NCAM1: variants seen among roughly 807,000 people sequenced by gnomAD.
NCAM1 encodes the protein antigen recognized by monoclonal antibody 5.1H11.
Under a neutral mutation model 109.8 loss-of-function variants are expected in NCAM1, and 14 were observed. That is an observed-to-expected ratio of 0.13 (90% CI 0.08 to 0.20). The LOEUF is 0.20. Among genes scored for constraint, NCAM1 ranks in the 10% least tolerant of loss-of-function variants. NCAM1 has a pLI of 1.00. For synonymous variants in NCAM1, 418 were observed against 442.9 expected (o/e 0.94, Z 0.70); for missense variants, 774 against 1,109.9 (o/e 0.70, Z 4.30).
At chr11:112,997,701 C>G (rs1269795128) in intron 1 of NCAM1, among the ~76,000 whole-genome samples, 1 of 152,058 alleles carries the variant, frequency 6.6e-6, no homozygotes. Context: ...GACTTAAGAC[C>G]TAAAGAAATT....
intron 15 of NCAM1, among the ~76,000 whole-genome samples, chr11:113,250,314 C>T (rs1945637860): frequency 6.6e-6 from 1 of 152,196 alleles, no homozygotes; most frequent in Non-Finnish European, 1.5e-5. Context: ...ACATAGATCA[C>T]ATCCGATTCT....
chr11:113,220,226 C>T (rs782178117), intron 8 of NCAM1, among the ~76,000 whole-genome samples: 1 of 152,200 alleles, frequency 6.6e-6, no homozygotes, highest in Non-Finnish European at 1.5e-5. Flanking sequence ...GAAAATCCCT[C>T]TAACCTCTGT....
intron 8 of NCAM1, among the ~76,000 whole-genome samples, chr11:113,218,154 C>T (rs998052926): frequency 6.6e-6 from 1 of 152,232 alleles, no homozygotes; most frequent in Non-Finnish European, 1.5e-5. Flanking sequence ...CCAATGCAGT[C>T]GTCATCTAAC....
intron 1 of NCAM1, among the ~76,000 whole-genome samples, chr11:112,999,628 A>G (rs1442432608): frequency 6.6e-6 from 1 of 152,152 alleles, no homozygotes; most frequent in African/African-American, 2.4e-5. Context: ...AGAGGAAACC[A>G]GGTCCCACAT....
intron 1 of NCAM1, among the ~76,000 whole-genome samples, chr11:112,980,973 G>C (rs1221473293): frequency 6.6e-6 from 1 of 151,828 alleles, no homozygotes; most frequent in African/African-American, 2.4e-5. Flanking sequence ...TTCTAGGAGA[G>C]AGGAAATATT....
chr11:113,164,664 G>A (rs530927789), intron 1 of NCAM1, among the ~76,000 whole-genome samples: 2 of 152,294 alleles, frequency 1.3e-5, no homozygotes, highest in East Asian at 1.9e-4. Context: ...GGTACTCAGG[G>A]CAAGGTGTGT....
At chr11:113,102,139 ATC>A (rs1939904319) in intron 1 of NCAM1, among the ~76,000 whole-genome samples, 1 of 152,224 alleles carries the variant, frequency 6.6e-6, no homozygotes. Context: ...GTCGAGAATA[ATC>A]ATTACATTTT....
intron 1 of NCAM1, among the ~76,000 whole-genome samples, chr11:112,979,300 T>A (rs1362660443): frequency 6.6e-6 from 1 of 151,760 alleles, no homozygotes. Flanking sequence ...CATAATAAAT[T>A]TTTTTCCAAA....
chr11:113,204,254 C>A lies in NCAM1; in HGVS notation c.128-32C>A, dbSNP rs782115081. The A allele has an allele frequency of 4.1e-5, 64 of 1,560,734 alleles. No individual in the cohort carries two copies. The Middle Eastern group carries it at 1.0e-3, about 24-fold the overall frequency. On this transcript the variant is annotated intron_variant, in intron 2 of 19. Coordinates refer to ENST00000316851, the MANE Select transcript of NCAM1 (RefSeq NM_181351.5). The stretch of plus-strand genomic sequence containing the variant: ...GGGGACTTATTAGTCTTTTCGACTT[C>A]AGTAGCTTAAAAATAATCTCTTCCT...
chr11:113,020,058 T>C (rs1952337682), intron 1 of NCAM1, among the ~76,000 whole-genome samples: 1 of 152,204 alleles, frequency 6.6e-6, no homozygotes, highest in East Asian at 1.9e-4. Context: ...CATCAGCTTC[T>C]CAAGGATCCT....
chr11:112,971,226 T>TTCTCTC (rs137914370), intron 1 of NCAM1, among the ~76,000 whole-genome samples: 4 of 149,290 alleles, frequency 2.7e-5, no homozygotes, highest in African/African-American at 4.9e-5. Flanking sequence ...GTACTTCAAT[T>TTCTCTC]TCTCTCTCTC....
intron 17 of NCAM1, among the ~76,000 whole-genome samples, chr11:113,267,607 A>AC (rs1946161057): frequency 6.6e-6 from 1 of 152,186 alleles, no homozygotes; most frequent in African/African-American, 2.4e-5. Flanking sequence ...TCACGCCATG[A>AC]GGCCCAACAG....
intron 1 of NCAM1, among the ~76,000 whole-genome samples, chr11:113,035,201 T>C (rs1277239827): frequency 2.6e-5 from 4 of 152,234 alleles, no homozygotes; most frequent in Admixed American, 2.6e-4. Context: ...AGGGCCCATT[T>C]TGTTATAATT....
chr11:113,108,393 A>G (rs1354739842), intron 1 of NCAM1, among the ~76,000 whole-genome samples: 2 of 152,238 alleles, frequency 1.3e-5, no homozygotes, highest in Admixed American at 1.3e-4. Context: ...ATGCCAAATT[A>G]GAATGAATAT....
At position 113,152,053 on chromosome 11, in the gene NCAM1, G is replaced by T. The variant is rs574231540; in HGVS notation, c.53-50326G>T. On this transcript the variant is annotated intron_variant, in intron 1 of 19. Coordinates refer to ENST00000316851, the MANE Select transcript of NCAM1 (RefSeq NM_181351.5). ...GAATGGGTCATTTAAGTGTACATTTGCAGTGGGTTCCAGAAAAATATAAGA... is the reference window on the plus strand; with the variant it reads ...GAATGGGTCATTTAAGTGTACATTTTCAGTGGGTTCCAGAAAAATATAAGA... 1.1e-3 allele frequency among the ~76,000 whole-genome samples: 169 copies of T among 152,268 alleles called. 1 individual carries two copies. Among genetic ancestry groups the T allele is most frequent in the South Asian group, 8.7e-3 (42 of 4,828 alleles).
intron 1 of NCAM1, among the ~76,000 whole-genome samples, chr11:113,000,105 C>G (rs539975809): frequency 2.0e-5 from 3 of 152,172 alleles, no homozygotes; most frequent in Non-Finnish European, 1.5e-5. Flanking sequence ...TTAGCTATGA[C>G]CTCATATATT....
Position 113,275,676 on chromosome 11 carries a change from T to A in NCAM1, c.*289T>A. The A allele has an allele frequency of 4.0e-6, 1 of 246,932 alleles. No individual in the cohort carries two copies. Among genetic ancestry groups the A allele is most frequent in the East Asian group, 8.6e-5 (1 of 11,668 alleles). 15.3% of individuals were successfully genotyped at this position (246,932 alleles called of 1,614,324 possible). Reference sequence around the variant, plus strand: ...AGCCAAACTAGGACACTCCGTTCCCTGAAACCGTTAAAAAATCAAACAAAA... The same window carrying A: ...AGCCAAACTAGGACACTCCGTTCCCAGAAACCGTTAAAAAATCAAACAAAA... On this transcript the variant is annotated 3_prime_UTR_variant, in exon 20 of 20. Coordinates refer to ENST00000316851, the MANE Select transcript of NCAM1 (RefSeq NM_181351.5).
At chr11:113,201,335 G>A (rs1555111762) in intron 1 of NCAM1, among the ~76,000 whole-genome samples, 1 of 152,166 alleles carries the variant, frequency 6.6e-6, no homozygotes, top group East Asian at 1.9e-4. Flanking sequence ...GAAAATGGCT[G>A]TTGGAAGGAA....
chr11:113,242,226 G>A (rs1945349010), intron 14 of NCAM1, among the ~76,000 whole-genome samples: 1 of 152,180 alleles, frequency 6.6e-6, no homozygotes, highest in Admixed American at 6.5e-5. Context: ...TTAATAGTAA[G>A]AATAAATGAG....
Sources: gnomAD v4.1 joint callset for allele counts (sites outside exome capture counted in the v4.1 genomes callset) on GRCh38, gnomAD v4.1.1 for gene constraint, MANE v1.5 for transcripts, NCBI Gene and HGNC (gene_info 2026-07-23, HGNC 2026-07-21) for gene names.